ABCB4: variants seen among roughly 807,000 people sequenced by gnomAD.
The protein encoded by ABCB4 is ATP binding cassette subfamily B member 4.
ABCB4 carries 76 observed loss-of-function variants against 145.7 expected under a neutral mutation model. The observed-to-expected ratio is 0.52, with a 90% confidence interval of 0.43 to 0.63. The LOEUF is 0.63. Ranked by LOEUF, ABCB4 falls within the 30% of genes least tolerant of loss-of-function variation. ABCB4 has a pLI of 0.00. For synonymous variants in ABCB4, 517 were observed against 566.8 expected (o/e 0.91, Z 1.25); for missense variants, 1,234 against 1,553.1 (o/e 0.79, Z 3.45).
chr7:87,475,419 C>G lies in ABCB4; in HGVS notation c.47G>C (p.Ser16Thr). The G allele has an allele frequency of 6.2e-7, 1 of 1,614,240 alleles. No homozygotes were observed. Among genetic ancestry groups the G allele is most frequent in the Non-Finnish European group, 8.5e-7 (1 of 1,180,042 alleles). ...GCCCAGTTCAAAGTCGCCCTCCGCG[C>G]TCGTGGGGCGCCAGGCTGTTCCGTT... ...AKNGTAWRPT[S>T]AEGDFELGIS... is the part of the protein sequence containing the mutation. Residue 16 changes from serine (S) to threonine (T), a missense_variant, in exon 2 of 28, where the codon AGC (serine) becomes ACC (threonine). Coordinates refer to ENST00000649586, the MANE Select transcript of ABCB4 (RefSeq NM_000443.4).
chr7:87,462,709 C>T, intron 4 of ABCB4, 49 bp downstream of exon 4: 1 of 1,586,858 alleles, frequency 6.3e-7, no homozygotes, highest in Non-Finnish European at 8.7e-7. Flanking sequence ...AATTTTTACC[C>T]AGTTAAAGAA....
At chr7:87,397,291 C>T (rs1024907422), downstream of ABCB4, among the ~76,000 whole-genome samples, 1 of 150,518 alleles carries the variant, frequency 6.6e-6, no homozygotes, top group African/African-American at 2.5e-5. Context: ...ATGGAGGTTG[C>T]AGTGAGCTGA....
the ABCB4 span, among the ~76,000 whole-genome samples, chr7:87,370,835 A>G: frequency 1.3e-5 from 2 of 152,166 alleles, no homozygotes; most frequent in South Asian, 2.1e-4. Flanking sequence ...TTCTGTCTGG[A>G]GCACACCCAG....
At chr7:87,398,302 C>T (rs1465979919), downstream of ABCB4, 4 of 667,986 alleles carry the variant, frequency 6.0e-6, 1 homozygote, top group East Asian at 8.9e-5. Flanking sequence ...CTAATTTGTT[C>T]CCCTTTGTCC....
intron 13 of ABCB4, 93 bp downstream of exon 13, chr7:87,440,106 T>C (rs1810870928): frequency 7.1e-7 from 1 of 1,417,418 alleles, no homozygotes; most frequent in East Asian, 2.3e-5. Flanking sequence ...ATCTTGCATC[T>C]CAAACATTAT....
chr7:87,396,917 T>A (rs1057416596), downstream of ABCB4, among the ~76,000 whole-genome samples: 6 of 152,208 alleles, frequency 3.9e-5, no homozygotes, highest in African/African-American at 7.2e-5. Context: ...TTTTGATGGT[T>A]GTATAATTTC....
chr7:87,415,283 A>C (rs1382209617), intron 21 of ABCB4, among the ~76,000 whole-genome samples: 1 of 151,968 alleles, frequency 6.6e-6, no homozygotes, highest in Non-Finnish European at 1.5e-5. Context: ...GGAATACCTC[A>C]AACCCTGTTG....
rs565500334 is a variant in ABCB4, at chr7:87,444,066, T to C, written c.1120-293A>G. On this transcript the variant is annotated intron_variant, in intron 10 of 27. Coordinates refer to ENST00000649586, the MANE Select transcript of ABCB4 (RefSeq NM_000443.4). ...CTCATAAATTTTCTAAATGGTCAGA[T>C]ATGCATATTTATACAAGTGCAATAA... Among the ~76,000 whole-genome samples the C allele has an allele frequency of 7.5e-4, 114 of 152,336 alleles. 1 individual carries two copies. Among genetic ancestry groups the C allele is most frequent in the African/African-American group, 2.4e-3 (100 of 41,588 alleles).
the ABCB4 span, chr7:87,393,031 A>G: frequency 4.1e-4 from 660 of 1,613,530 alleles, no homozygotes; most frequent in Middle Eastern, 5.1e-3. Context: ...ATGGTACACA[A>G]TGGTTATGGA....
chr7:87,461,361 T>A (rs1812449064), intron 4 of ABCB4, among the ~76,000 whole-genome samples: 1 of 152,184 alleles, frequency 6.6e-6, no homozygotes, highest in Admixed American at 6.5e-5. Flanking sequence ...CCCAAGCACT[T>A]TTTTTTCCGA....
chr7:87,473,243 T>C (rs980190392), intron 2 of ABCB4, among the ~76,000 whole-genome samples: 2 of 152,244 alleles, frequency 1.3e-5, no homozygotes, highest in Non-Finnish European at 2.9e-5. Context: ...CTCAAAAACC[T>C]ACAATGGCTT....
At chr7:87,378,661 T>A in the ABCB4 span, among the ~76,000 whole-genome samples, 8 of 152,178 alleles carry the variant, frequency 5.3e-5, no homozygotes, top group Non-Finnish European at 1.2e-4. Context: ...TTTCCAATGG[T>A]TACAGCAAAA....
At chr7:87,433,669 G>GTTTT (rs752621529) in intron 14 of ABCB4, among the ~76,000 whole-genome samples, 4,560 of 123,724 alleles carry the variant, frequency 0.037, 171 homozygotes, top group South Asian at 0.073. Flanking sequence ...ACAAAAAATT[G>GTTTT]TTGTTGTTTT....
At chr7:87,395,753 C>T in the ABCB4 span, among the ~76,000 whole-genome samples, 1 of 152,106 alleles carries the variant, frequency 6.6e-6, no homozygotes, top group African/African-American at 2.4e-5. Flanking sequence ...CACCCAGAAC[C>T]CCATGATTTA....
At chr7:87,387,484 C>T in the ABCB4 span, among the ~76,000 whole-genome samples, 30 of 150,672 alleles carry the variant, frequency 2.0e-4, no homozygotes, top group Admixed American at 1.5e-3. Flanking sequence ...GTACAGTTGA[C>T]CCTTCAACAT....
the ABCB4 span, chr7:87,382,620 A>T: frequency 2.8e-6 from 4 of 1,427,882 alleles, no homozygotes; most frequent in Admixed American, 2.4e-5. Context: ...TTTCATCCTA[A>T]CTCCTCAGTA....
At chr7:87,406,625 A>G in intron 25 of ABCB4, 131 bp from the exon 26 acceptor site, 1 of 961,162 alleles carries the variant, frequency 1.0e-6, no homozygotes, top group Non-Finnish European at 1.6e-6. Context: ...ACCCTCCAAG[A>G]CTTATACCAT....
the ABCB4 span, among the ~76,000 whole-genome samples, chr7:87,386,028 G>T: frequency 1.3e-5 from 2 of 152,104 alleles, no homozygotes; most frequent in African/African-American, 4.8e-5. Context: ...CTTAATCATG[G>T]TGAGTGATCT....
chr7:87,399,852 A>G (rs767792953), downstream of ABCB4: 1 of 152,162 alleles, frequency 6.6e-6, no homozygotes, highest in Non-Finnish European at 1.5e-5. Flanking sequence ...ACCATCCAAA[A>G]CTTAGTGTCT....
Sources: gnomAD v4.1 joint callset for allele counts (sites outside exome capture counted in the v4.1 genomes callset) on GRCh38, gnomAD v4.1.1 for gene constraint, MANE v1.5 for transcripts, NCBI Gene and HGNC (gene_info 2026-07-23, HGNC 2026-07-21) for gene names.